IL4I1: variants seen among roughly 807,000 people sequenced by gnomAD.
IL4I1 encodes interleukin 4 induced 1, also known as L-amino-acid oxidase.
Under a neutral mutation model 29.7 loss-of-function variants are expected in IL4I1, and 24 were observed. That is an observed-to-expected ratio of 0.81 (90% CI 0.59 to 1.14). IL4I1 has a LOEUF of 1.14. Among genes scored for constraint, IL4I1 ranks in the 50% most tolerant of loss-of-function variants. The probability of loss-of-function intolerance (pLI) is 0.00; values close to 1 mark genes in which losing one functional copy is unlikely to be tolerated. For missense variants in IL4I1, 686 were observed against 785.6 expected, an observed-to-expected ratio of 0.87 and a Z score of 1.52; for synonymous variants, 371 against 352.5, an observed-to-expected ratio of 1.05 and a Z score of -0.59.
chr19:49,898,180 G>T (rs376845666), upstream of IL4I1, among the ~76,000 whole-genome samples: 29 of 152,098 alleles, frequency 1.9e-4, no homozygotes, highest in South Asian at 6.0e-3. Context: ...AATTAGCCGG[G>T]CATGGTGGCA....
chr19:49,892,662 A>G (rs1049776640), intron 5 of IL4I1, among the ~76,000 whole-genome samples: 4 of 151,924 alleles, frequency 2.6e-5, no homozygotes, highest in African/African-American at 7.3e-5. Context: ...GCCCCCATCT[A>G]ATTTCAGCCT....
rs1207833648 is a variant in IL4I1 at position 49,928,536 on chromosome 19, T to G, written c.-349-721A>C. 5 of 123,868 alleles carry G rather than the reference T, an allele frequency of 4.0e-5. 1 individual carries two copies. The highest frequency in any genetic ancestry group is 2.9e-5 in the African/African-American group (1 of 34,892). 7.7% of individuals were successfully genotyped at this position (123,868 alleles called of 1,614,324 possible). A position where few individuals can be genotyped will look rare whatever the true frequency, so the allele number is the denominator to read the frequency against. On this transcript the variant is annotated intron_variant, in intron 1 of 9. Coordinates refer to the IL4I1 transcript ENST00000341114. ...ACTCCGTCTCAAAAAAAAAAAACAGTTGAACAGGAATGTATGAGTTGAGCT... is the reference window on the plus strand; with the variant it reads ...ACTCCGTCTCAAAAAAAAAAAACAGGTGAACAGGAATGTATGAGTTGAGCT...
chr19:49,895,674 C>T, intron 3 of IL4I1, 141 bp downstream of exon 3: 1 of 867,302 alleles, frequency 1.2e-6, no homozygotes, highest in Non-Finnish European at 1.8e-6. Flanking sequence ...GCCTCACCCC[C>T]AGACTACAGG....
upstream of IL4I1, among the ~76,000 whole-genome samples, chr19:49,898,441 C>A (rs2075239419): frequency 3.3e-5 from 5 of 152,326 alleles, no homozygotes; most frequent in South Asian, 1.0e-3. Flanking sequence ...GGGCTCGAGA[C>A]CAGCCTGGCC....
intron 6 of IL4I1, 121 bp downstream of exon 6, chr19:49,891,284 G>T: frequency 7.1e-7 from 1 of 1,409,878 alleles, no homozygotes; most frequent in Non-Finnish European, 9.9e-7. Context: ...CAGCCCCCGG[G>T]TCAGGCAGGA....
chr19:49,920,975 T>C (rs1295991466), intron 2 of IL4I1, among the ~76,000 whole-genome samples: 2 of 152,130 alleles, frequency 1.3e-5, no homozygotes, highest in Non-Finnish European at 2.9e-5. Flanking sequence ...ACGGTTGCTA[T>C]GGAGGTTTCT....
At chr19:49,926,222 A>T (rs1281271422) in intron 2 of IL4I1, among the ~76,000 whole-genome samples, 1 of 144,098 alleles carries the variant, frequency 6.9e-6, no homozygotes, top group Non-Finnish European at 1.5e-5. Context: ...AAAAAAAAAA[A>T]AAAAAAAAGC....
Position 49,890,191 on chromosome 19 carries a change from G to T in IL4I1, c.1183C>A (p.Leu395Met). 1 of 1,544,102 alleles carries T rather than the reference G, an allele frequency of 6.5e-7. No individual in the cohort carries two copies. The change falls in exon 8 of 8, where the codon CTG (leucine) becomes ATG (methionine). Residue 395 changes from leucine to methionine, a missense_variant. Leu to Met is a conservative substitution (Grantham distance 15). Coordinates refer to ENST00000391826, the MANE Select transcript of IL4I1 (RefSeq NM_152899.2). ...YPPPREGALL[L>M]ASYTWSDAAA... is the part of the protein sequence containing the mutation. ...GCGTCCGACCACGTGTACGAGGCCA[G>T]CAGCAGCGCGCCCTCGCGCGGCGGC...
At chr19:49,917,370 G>A (rs780866292) in intron 2 of IL4I1, among the ~76,000 whole-genome samples, 23 of 152,174 alleles carry the variant, frequency 1.5e-4, no homozygotes, top group Non-Finnish European at 2.5e-4. Flanking sequence ...CTTCTTAACC[G>A]TCTCCTGAAT....
Position 49,896,667 on chromosome 19 carries a change from TAG to T in IL4I1, c.-23+166_-23+167del, listed in dbSNP as rs199763960. On this transcript the variant is annotated intron_variant, in intron 1 of 7. Coordinates refer to ENST00000391826, the MANE Select transcript of IL4I1 (RefSeq NM_152899.2). ...CAGGCTGGTCTCGAACTCCTGACCTTAGGTGATCCACCCACCTCGGCCTCCCA... is the reference window on the plus strand; with the variant it reads ...CAGGCTGGTCTCGAACTCCTGACCTTGTGATCCACCCACCTCGGCCTCCCA... Among the ~76,000 whole-genome samples the T allele has an allele frequency of 9.0e-3, 1,372 of 152,104 alleles. 21 individuals carry two copies. The highest frequency in any genetic ancestry group is 0.032 in the African/African-American group (1,326 of 41,512).
At chr19:49,897,956 G>A (rs1457687411), upstream of IL4I1, among the ~76,000 whole-genome samples, 1 of 152,230 alleles carries the variant, frequency 6.6e-6, no homozygotes, top group East Asian at 1.9e-4. Flanking sequence ...TGACGCAGGG[G>A]CGGGAGGCCG....
Position 49,890,613 on chromosome 19 carries a change from C to T in IL4I1, c.774-13G>A. The T allele has an allele frequency of 8.4e-7, 1 of 1,186,038 alleles. No homozygotes were observed. The highest frequency in any genetic ancestry group is 1.2e-6 in the Non-Finnish European group (1 of 859,534). The allele number at this position is 1,186,038 out of a possible 1,614,324, so 73.5% of individuals were successfully genotyped here. A position where few individuals can be genotyped will look rare whatever the true frequency, so the allele number is the denominator to read the frequency against. ...GATGCGGCTGTACCTGCAGGCGGGG[C>T]GGGGCGGGGTGGGGGCGTGACCTGG... On this transcript the variant is annotated splice_polypyrimidine_tract_variant and intron_variant, in intron 7 of 7. Transcript: ENST00000391826.
At chr19:49,911,958 C>T (rs528518466) in intron 2 of IL4I1, among the ~76,000 whole-genome samples, 6 of 152,186 alleles carry the variant, frequency 3.9e-5, no homozygotes, top group Non-Finnish European at 4.4e-5. Context: ...CACCTCAAGC[C>T]GGTGTGTTGT....
intron 2 of IL4I1, chr19:49,908,920 T>C (rs141558607): frequency 6.2e-7 from 1 of 1,607,450 alleles, no homozygotes; most frequent in African/African-American, 1.3e-5. Flanking sequence ...CTGGCGCCAG[T>C]GGTTTTAAAT....
At chr19:49,922,270 G>A (rs1240304237) in intron 2 of IL4I1, among the ~76,000 whole-genome samples, 1 of 152,212 alleles carries the variant, frequency 6.6e-6, no homozygotes, top group South Asian at 2.1e-4. Context: ...GTGGGGGACA[G>A]TCTTCCTGCC....
At position 49,889,845 on chromosome 19, in the gene IL4I1, G is replaced by T. The variant is rs770197615; in HGVS notation, c.1529C>A (p.Pro510His). Reference sequence around the variant, plus strand: ...CTCGGGGCTGGCCGTGTCCGATGCAGGCCCCTTCCGGCTGTTGATCTTGAT... The same window carrying T: ...CTCGGGGCTGGCCGTGTCCGATGCATGCCCCTTCCGGCTGTTGATCTTGAT... ...AAIKINSRKG[P>H]ASDTASPEGH... Residue 510 changes from proline to histidine, a missense_variant, in exon 8 of 8, where the codon CCT (proline) becomes CAT (histidine). Coordinates refer to ENST00000391826, the MANE Select transcript of IL4I1 (RefSeq NM_152899.2). 5 of 1,587,008 alleles carry T rather than the reference G, an allele frequency of 3.2e-6. No individual in the cohort carries two copies. In the African/African-American group the frequency reaches 5.4e-5, roughly 17 times the overall value.
upstream of IL4I1, among the ~76,000 whole-genome samples, chr19:49,900,444 C>T (rs563951351): frequency 7.2e-5 from 11 of 152,222 alleles, no homozygotes; most frequent in East Asian, 3.9e-4. Flanking sequence ...CGCACCACCA[C>T]GCTCAGCTAA....
At chr19:49,899,027 C>T (rs901446231), upstream of IL4I1, among the ~76,000 whole-genome samples, 14 of 152,356 alleles carry the variant, frequency 9.2e-5, no homozygotes, top group East Asian at 1.9e-3. Context: ...TCATTCACAG[C>T]GACATGTCAA....
chr19:49,924,647 C>T (rs2075841898), intron 2 of IL4I1, among the ~76,000 whole-genome samples: 1 of 152,196 alleles, frequency 6.6e-6, no homozygotes, highest in African/African-American at 2.4e-5. Context: ...GGCCACAGGC[C>T]TGGGTCAGGA....
Sources: allele counts gnomAD v4.1 joint callset (sites outside exome capture counted in the v4.1 genomes callset), GRCh38; gene constraint gnomAD v4.1.1; transcripts MANE v1.5; gene names NCBI Gene and HGNC (gene_info 2026-07-23, HGNC 2026-07-21).